LPP: variants seen among roughly 807,000 people sequenced by gnomAD.
LPP encodes lipoma-preferred partner.
In LPP, 38 loss-of-function variants were observed where a neutral mutation model predicts 60.4. That is an observed-to-expected ratio of 0.63 (90% CI 0.49 to 0.83). The LOEUF (loss-of-function observed/expected upper bound fraction) is 0.83, where lower values mean the gene tolerates loss of function less well. Among genes scored for constraint, LPP ranks in the 40% least tolerant of loss-of-function variants. The pLI, the probability that LPP is intolerant of heterozygous loss-of-function variation, is 0.00. For synonymous variants in LPP, 328 were observed against 290.8 expected, an observed-to-expected ratio of 1.13 and a Z score of -1.30; for missense variants, 902 against 783.6, an observed-to-expected ratio of 1.15 and a Z score of -1.80.
rs200811591 is a variant in LPP, at chr3:188,509,875, T to TG, written c.307-14790_307-14789insG. On this transcript the variant is annotated intron_variant, in intron 5 of 11. Transcript: ENST00000617246. ...GCCTGGCTAATTTTTTTTTTGTTGT[T>TG]TTTTTTTTTTTTTTTGCATCTTTAG... Among the ~76,000 whole-genome samples the TG allele has an allele frequency of 5.7e-3, 807 of 142,190 alleles. 12 individuals are homozygous for TG. Among genetic ancestry groups the TG allele is most frequent in the African/African-American group, 0.019 (724 of 38,794 alleles). 93.3% of individuals were successfully genotyped at this position (142,190 alleles called of 152,430 possible). A position where few individuals can be genotyped will look rare whatever the true frequency, so the allele number is the denominator to read the frequency against.
chr3:188,553,365 G>T (rs138440096), intron 6 of LPP, among the ~76,000 whole-genome samples: 20 of 152,178 alleles, frequency 1.3e-4, no homozygotes, highest in African/African-American at 4.6e-4. Context: ...TTAAGCAAAG[G>T]TAACTCAGAT....
intron 1 of LPP, among the ~76,000 whole-genome samples, chr3:188,164,076 G>A (rs889280052): frequency 6.6e-6 from 1 of 152,106 alleles, no homozygotes; most frequent in Non-Finnish European, 1.5e-5. Context: ...TCATGTTAAT[G>A]TATATCTATA....
chr3:188,260,569 T>C (rs543257701), intron 2 of LPP, among the ~76,000 whole-genome samples: 29 of 152,130 alleles, frequency 1.9e-4, no homozygotes, highest in Admixed American at 1.2e-3. Flanking sequence ...AAGATAGAAA[T>C]TGTCACTATT....
At chr3:188,687,234 G>T (rs755191595) in intron 7 of LPP, among the ~76,000 whole-genome samples, 5 of 152,170 alleles carry the variant, frequency 3.3e-5, no homozygotes, top group Non-Finnish European at 7.4e-5. Context: ...CTAGATGGAG[G>T]CAGATTTCCT....
chr3:188,656,503 T>C (rs371625244), intron 7 of LPP, among the ~76,000 whole-genome samples: 1 of 152,218 alleles, frequency 6.6e-6, no homozygotes, highest in East Asian at 1.9e-4. Flanking sequence ...AACAAAGTGT[T>C]GGAAAAAACC....
At chr3:188,709,830 T>C (rs921753177) in intron 8 of LPP, 1 of 152,236 alleles carries the variant, frequency 6.6e-6, no homozygotes, top group Non-Finnish European at 1.5e-5. Flanking sequence ...TTAAAATTAA[T>C]TACTAGGGAA....
intron 3 of LPP, among the ~76,000 whole-genome samples, chr3:188,367,068 T>G (rs2151012534): frequency 6.6e-6 from 1 of 152,188 alleles, no homozygotes; most frequent in African/African-American, 2.4e-5. Context: ...GGCTAATTTT[T>G]TGTATTTTTA....
chr3:188,222,928 A>G (rs1716343637), intron 1 of LPP, among the ~76,000 whole-genome samples: 1 of 152,224 alleles, frequency 6.6e-6, no homozygotes, highest in Admixed American at 6.5e-5. Flanking sequence ...TAAAAAAAAT[A>G]CAGGTGGAAA....
At chr3:188,755,777 T>C (rs1729943917) in intron 8 of LPP, among the ~76,000 whole-genome samples, 2 of 98,248 alleles carry the variant, frequency 2.0e-5, no homozygotes, top group African/African-American at 4.2e-5. Context: ...ACTACTGCCC[T>C]CCAGCCTGGG....
rs79786949 is a variant in LPP at position 188,352,486 on chromosome 3, T to C, written c.-10+10767T>C. Among the ~76,000 whole-genome samples, 19,909 of 152,176 alleles carry C rather than the reference T, an allele frequency of 0.13. 1,930 individuals carry two copies. Among genetic ancestry groups the C allele is most frequent in the African/African-American group, 0.27 (11,259 of 41,490 alleles). On this transcript the variant is annotated intron_variant, in intron 3 of 11. Coordinates refer to ENST00000617246, the MANE Select transcript of LPP (RefSeq NM_001375462.1). This position sits in a 1 kb window ranked among gnomAD's most constrained non-coding sequence, Gnocchi z 4.4. ...CGGGAGCTGTGTGACTGGCGAGCCC[T>C]CAGTTGCCACTTGGAAACGGTTGGA...
chr3:188,691,488 G>A (rs1862114602), intron 7 of LPP, among the ~76,000 whole-genome samples: 1 of 152,230 alleles, frequency 6.6e-6, no homozygotes, highest in Non-Finnish European at 1.5e-5. Flanking sequence ...TAATAAAAAG[G>A]TGGATGGTGA....
intron 7 of LPP, among the ~76,000 whole-genome samples, chr3:188,622,056 A>G (rs1372405370): frequency 6.6e-6 from 1 of 152,192 alleles, no homozygotes; most frequent in African/African-American, 2.4e-5. Flanking sequence ...TTCTATTTCT[A>G]TGATGAAATC....
intron 8 of LPP, among the ~76,000 whole-genome samples, chr3:188,754,007 T>A (rs1478941721): frequency 6.6e-6 from 1 of 152,168 alleles, no homozygotes; most frequent in East Asian, 1.9e-4. Context: ...CCATAGGAGA[T>A]TGCATATTGC....
At chr3:188,338,348 C>T (rs1042295344) in intron 2 of LPP, among the ~76,000 whole-genome samples, 1 of 152,082 alleles carries the variant, frequency 6.6e-6, no homozygotes, top group African/African-American at 2.4e-5. Context: ...CATCTAATTC[C>T]TTTGGCCTGA....
intron 2 of LPP, among the ~76,000 whole-genome samples, chr3:188,282,940 A>G (rs1303752693): frequency 1.3e-5 from 2 of 152,132 alleles, no homozygotes; most frequent in Non-Finnish European, 1.5e-5. Flanking sequence ...AGTAGCTGGC[A>G]TTTATAGGCA....
intron 2 of LPP, among the ~76,000 whole-genome samples, chr3:188,309,024 T>TC (rs202097312): frequency 0.13 from 10,170 of 77,992 alleles, 746 homozygotes; most frequent in African/African-American, 0.39. Flanking sequence ...TTCTTCTTCT[T>TC]TTTTTTTTTT....
chr3:188,167,501 C>CACAAAACAAAACAAA (rs59953137), intron 1 of LPP, among the ~76,000 whole-genome samples: 28,076 of 143,388 alleles, frequency 0.2, 3,924 homozygotes, highest in East Asian at 0.44. Context: ...ACTCCACCAC[C>CACAAAACAAAACAAA]ACAAAACAAA....
At chr3:188,546,850 T>G (rs1419733415) in intron 6 of LPP, among the ~76,000 whole-genome samples, 1 of 152,180 alleles carries the variant, frequency 6.6e-6, no homozygotes, top group East Asian at 1.9e-4. Flanking sequence ...AAAATTTACT[T>G]ATTTATTGTA....
chr3:188,793,483 C>T (rs1340201270), intron 9 of LPP, among the ~76,000 whole-genome samples: 2 of 152,092 alleles, frequency 1.3e-5, no homozygotes, highest in Non-Finnish European at 2.9e-5. Flanking sequence ...TGCCCGGCCA[C>T]TTTCTCATTA....
Sources: allele counts gnomAD v4.1 joint callset (sites outside exome capture counted in the v4.1 genomes callset), GRCh38; gene constraint gnomAD v4.1.1; non-coding constraint Gnocchi (gnomAD v3.1); transcripts MANE v1.5; gene names NCBI Gene and HGNC (gene_info 2026-07-23, HGNC 2026-07-21).